The following MGST1 variants were observed in gnomAD, a reference collection of about 807,000 sequenced individuals.
The protein encoded by MGST1 is glutathione S-transferase 12.
A neutral mutation model predicts 8.9 loss-of-function variants in MGST1; 5 were observed. That is an observed-to-expected ratio of 0.56 (90% CI 0.29 to 1.19). The LOEUF is 1.19. Among genes scored for constraint, MGST1 ranks in the 50% most tolerant of loss-of-function variants. MGST1 has a pLI of 0.08. For missense variants in MGST1, 182 were observed against 187.4 expected (o/e 0.97, Z 0.17); for synonymous variants, 54 against 67.8 (o/e 0.80, Z 1.00).
At chr12:16,351,150 G>A (rs1268090932) in intron 1 of MGST1, among the ~76,000 whole-genome samples, 2 of 152,056 alleles carry the variant, frequency 1.3e-5, no homozygotes, top group Non-Finnish European at 2.9e-5. Context: ...TTGTTAAGTA[G>A]CAACTTTCTA....
chr12:16,429,892 A>G (rs531224174), intron 1 of MGST1, among the ~76,000 whole-genome samples: 21 of 152,230 alleles, frequency 1.4e-4, no homozygotes, highest in African/African-American at 4.8e-4. Context: ...TGCTGCATCA[A>G]TGGACTCTTC....
downstream of MGST1, chr12:16,364,538 A>G (rs1043492576): frequency 5.8e-6 from 2 of 342,932 alleles, no homozygotes; most frequent in Non-Finnish European, 8.2e-6. The surrounding 1 kb of genome is among the most constrained non-coding windows in gnomAD (Gnocchi z 5.7). Context: ...CATTTTGCAT[A>G]TTTGCTTTCC....
chr12:16,545,919 GACA>G (rs1941821522), intron 4 of MGST1, among the ~76,000 whole-genome samples: 1 of 151,954 alleles, frequency 6.6e-6, no homozygotes, highest in African/African-American at 2.4e-5. Context: ...CAATAATAAT[GACA>G]ACAATATAAA....
rs1177637080 is a variant in MGST1, at chr12:16,586,195, A to T, written n.483-3333A>T. On this transcript the variant is annotated intron_variant and non_coding_transcript_variant, in intron 4 of 4. Coordinates refer to the MGST1 transcript ENST00000538857. The surrounding 1 kb of genome is among the most constrained non-coding windows in gnomAD (Gnocchi z 4.3). ...CATCCAGTTTTTCAGGTAATCTGCCATAAATACTATTTCCTTCAGATGACT... is the reference window on the plus strand; with the variant it reads ...CATCCAGTTTTTCAGGTAATCTGCCTTAAATACTATTTCCTTCAGATGACT... Among the ~76,000 whole-genome samples the T allele has an allele frequency of 3.3e-5, 5 of 152,260 alleles. No individual in the cohort carries two copies. Among genetic ancestry groups the T allele is most frequent in the African/African-American group, 1.2e-4 (5 of 41,474 alleles).
chr12:16,448,084 G>A (rs1366347415), intron 4 of MGST1, among the ~76,000 whole-genome samples: 1 of 151,748 alleles, frequency 6.6e-6, no homozygotes, highest in African/African-American at 2.4e-5. Context: ...TTATAAAAAG[G>A]CCAAAGAGAG....
rs920213406 is a variant in MGST1, at chr12:16,389,404, T to C, written n.778+5800T>C. ...GAAGACCATTTAAACCAGACTGTAG[T>C]TGAACTAAAATAAATAAGGTCTCTT... On this transcript the variant is annotated intron_variant and non_coding_transcript_variant, in intron 1 of 1. Transcript: ENST00000359720. This position sits in a 1 kb window ranked among gnomAD's most constrained non-coding sequence, Gnocchi z 4.6. Among the ~76,000 whole-genome samples the C allele has an allele frequency of 1.5e-4, 23 of 152,238 alleles. No homozygotes were observed. The highest frequency in any genetic ancestry group is 1.5e-5 in the Non-Finnish European group (1 of 68,050).
intron 4 of MGST1, among the ~76,000 whole-genome samples, chr12:16,575,440 A>G (rs761185894): frequency 6.6e-6 from 1 of 152,232 alleles, no homozygotes; most frequent in Non-Finnish European, 1.5e-5. Flanking sequence ...TCTGAAATCA[A>G]TATCAATACG....
intron 1 of MGST1, chr12:16,399,330 C>G: frequency 6.3e-7 from 1 of 1,598,440 alleles, no homozygotes; most frequent in Non-Finnish European, 8.6e-7. Flanking sequence ...ATGGTTGGAA[C>G]CACGGTTAGA....
In MGST1 at chr12:16,582,775, C is replaced by T. The variant is rs997521077; in HGVS notation, n.483-6753C>T. The stretch of plus-strand genomic sequence containing the variant: ...AAAAGAATCAGAACTAGGCCGGGCA[C>T]GGTGGCCCATGCCTGTAATCCCAGC... On this transcript the variant is annotated intron_variant and non_coding_transcript_variant, in intron 4 of 4. Coordinates refer to the MGST1 transcript ENST00000538857. This position sits in a 1 kb window ranked among gnomAD's most constrained non-coding sequence, Gnocchi z 4.1. 4.6e-5 allele frequency among the ~76,000 whole-genome samples: 7 copies of T among 152,128 alleles called. No individual in the cohort carries two copies. The highest frequency in any genetic ancestry group is 3.9e-4 in the East Asian group (2 of 5,182).
intron 4 of MGST1, among the ~76,000 whole-genome samples, chr12:16,539,493 A>G (rs891872658): frequency 6.6e-6 from 1 of 152,150 alleles, no homozygotes; most frequent in Non-Finnish European, 1.5e-5. Context: ...CTTCTTCCAC[A>G]ACAAATGACC....
At chr12:16,478,869 G>A (rs1426930272) in intron 4 of MGST1, among the ~76,000 whole-genome samples, 1 of 151,966 alleles carries the variant, frequency 6.6e-6, no homozygotes, top group African/African-American at 2.4e-5. Context: ...ATGGCATTTA[G>A]TACATCCACA....
intron 4 of MGST1, among the ~76,000 whole-genome samples, chr12:16,445,592 G>T (rs891487159): frequency 2.6e-5 from 4 of 151,940 alleles, no homozygotes; most frequent in Non-Finnish European, 4.4e-5. Context: ...CCATGTAAAT[G>T]AAAACTATTT....
intron 4 of MGST1, among the ~76,000 whole-genome samples, chr12:16,461,159 A>T (rs1427048167): frequency 8.6e-6 from 1 of 115,662 alleles, no homozygotes; most frequent in Non-Finnish European, 1.8e-5. Context: ...AAATTGGAAT[A>T]TTGGAAAAGA....
chr12:16,352,475 G>C (rs1939513625), intron 1 of MGST1, among the ~76,000 whole-genome samples: 3 of 152,172 alleles, frequency 2.0e-5, no homozygotes, highest in Admixed American at 2.0e-4. Context: ...CTAAGCTTGG[G>C]TCTGAGAAAA....
chr12:16,437,678 A>G (rs1033516355), exon 2 of MGST1: 5 of 151,996 alleles, frequency 3.3e-5, no homozygotes, highest in African/African-American at 1.2e-4. Flanking sequence ...TCAAAAGAAA[A>G]TGAAGACATC....
At chr12:16,570,960 T>C (rs1317321314) in intron 4 of MGST1, among the ~76,000 whole-genome samples, 1 of 152,116 alleles carries the variant, frequency 6.6e-6, no homozygotes, top group Non-Finnish European at 1.5e-5. Flanking sequence ...GAATCTATTA[T>C]CAGCATGGCA....
chr12:16,551,259 CCTT>C, intron 4 of MGST1: 1 of 1,613,092 alleles, frequency 6.2e-7, no homozygotes. Flanking sequence ...TTTCATTAAA[CCTT>C]CCTCGTAGTC....
Position 16,357,717 on chromosome 12 carries a change from G to C in MGST1, c.221+18G>C. 1 of 1,597,886 alleles carries C rather than the reference G, an allele frequency of 6.3e-7. No homozygotes were observed. Among genetic ancestry groups the C allele is most frequent in the Non-Finnish European group, 8.5e-7 (1 of 1,169,982 alleles). On this transcript the variant is annotated intron_variant, in intron 3 of 3. Coordinates refer to ENST00000396210, the MANE Select transcript of MGST1 (RefSeq NM_020300.5). The stretch of plus-strand genomic sequence containing the variant: ...GTACGCAGGTAAACCAGTGTCTCTT[G>C]AAATTACTTACTTTATGAAACAATT...
At chr12:16,469,451 G>A (rs555934516) in intron 4 of MGST1, among the ~76,000 whole-genome samples, 88 of 152,224 alleles carry the variant, frequency 5.8e-4, no homozygotes, top group Middle Eastern at 3.4e-3. Context: ...GGCCTCCCAA[G>A]GTGTTGGGAT....
Sources: gnomAD v4.1 joint callset for allele counts (sites outside exome capture counted in the v4.1 genomes callset) on GRCh38, gnomAD v4.1.1 for gene constraint, Gnocchi (gnomAD v3.1) non-coding constraint, MANE v1.5 for transcripts, NCBI Gene and HGNC (gene_info 2026-07-23, HGNC 2026-07-21) for gene names.